Variants in ADPRM observed in about 807,000 individuals in gnomAD.
The protein encoded by ADPRM is ADP-ribose/CDP-alcohol diphosphatase, manganese dependent, also known as manganese-dependent ADP-ribose/CDP-alcohol diphosphatase.
ADPRM carries 17 observed loss-of-function variants against 27.2 expected under a neutral mutation model. The observed-to-expected ratio is 0.63, with a 90% CI of 0.43 to 0.94. The LOEUF is 0.94. Ranked by LOEUF, ADPRM falls within the 40% of genes least tolerant of loss-of-function variation. The probability of loss-of-function intolerance (pLI) is 0.00; values close to 1 mark genes in which losing one functional copy is unlikely to be tolerated. For missense variants in ADPRM, 337 were observed against 412.8 expected, an observed-to-expected ratio of 0.82 and a Z score of 1.59; for synonymous variants, 135 against 145.3, an observed-to-expected ratio of 0.93 and a Z score of 0.51.
intron 1 of ADPRM, chr17:10,699,046 GCTT>G (rs2074756680): frequency 6.6e-6 from 1 of 152,086 alleles, no homozygotes; most frequent in Non-Finnish European, 1.5e-5. Flanking sequence ...TTGCTAAAGT[GCTT>G]CTTTTAGTAG....
chr17:10,699,518 C>CTTTTTTTTTTTTTTT (rs781412834), intron 1 of ADPRM, among the ~76,000 whole-genome samples: 1 of 113,340 alleles, frequency 8.8e-6, no homozygotes, highest in Non-Finnish European at 1.8e-5. Flanking sequence ...TCTTTTCTTT[C>CTTTTTTTTTTTTTTT]TTTTTTTTTT....
Position 10,705,368 on chromosome 17 carries a change from T to G in ADPRM, c.442T>G (p.Tyr148Asp). ...HPETMPSEDY[Y>D]AYHFVPFPKF... ...TGAGACCATGCCTTCAGAAGATTAT[T>G]ATGCTTATCATTTTGTACCATTCCC... Residue 148 changes from tyrosine (Y) to aspartate (D), a missense_variant, in exon 2 of 4, where the codon TAT (tyrosine) becomes GAT (aspartate). Tyr to Asp is a radical substitution (Grantham distance 160). Coordinates refer to ENST00000379774, the MANE Select transcript of ADPRM (RefSeq NM_020233.5). This position sits in a 1 kb window ranked among gnomAD's most constrained non-coding sequence, Gnocchi z 5.4. 1.2e-6 allele frequency: 2 copies of G among 1,614,040 alleles called. No individual in the cohort carries two copies. The highest frequency in any genetic ancestry group is 8.5e-7 in the Non-Finnish European group (1 of 1,179,986).
Position 10,710,834 on chromosome 17 carries a change from G to A in ADPRM, c.719G>A (p.Ser240Asn). Residue 240 changes from serine to asparagine, a missense_variant and splice_region_variant, in exon 4 of 4, where the codon AGC (serine) becomes AAC (asparagine). Transcript: ENST00000379774. ...AACTCTTCTTTTCTTTAACTAACAG[G>A]CCATCTTCCCATTTACCCGGACGCC... The part of the protein sequence containing the change: ...DTNQEKVVIV[S>N]HLPIYPDASD... The A allele has an allele frequency of 6.2e-7, 1 of 1,612,446 alleles. No homozygotes were observed. The highest frequency in any genetic ancestry group is 8.5e-7 in the Non-Finnish European group (1 of 1,178,696).
At position 10,705,915 on chromosome 17, in the gene ADPRM, A is replaced by G. The variant is rs571789280; in HGVS notation, c.601+388A>G. 12 of 235,836 alleles carry G rather than the reference A, an allele frequency of 5.1e-5. No homozygotes were observed. The highest frequency in any genetic ancestry group is 2.5e-4 in the African/African-American group (11 of 44,118). 14.6% of individuals were successfully genotyped at this position (235,836 alleles called of 1,614,324 possible). On this transcript the variant is annotated intron_variant, in intron 2 of 3. Transcript: ENST00000379774. The surrounding 1 kb of genome is among the most constrained non-coding windows in gnomAD (Gnocchi z 5.4). ...AAGGAAATAGAGTATGATGTTATAG[A>G]GTGTTACGGAAAAGGATTAGGGTTG...
chr17:10,704,775 C>T, intron 1 of ADPRM, 135 bp from the exon 2 acceptor site: 1 of 689,048 alleles, frequency 1.5e-6, no homozygotes. Flanking sequence ...CTGTTGGGCT[C>T]TAAAGCCCAC....
chr17:10,697,611 G>T lies in ADPRM; in HGVS notation c.-74G>T. On this transcript the variant is annotated 5_prime_UTR_variant, in exon 1 of 4. Transcript: ENST00000379774. ...GTCGCTCTGTCCGTCCCGCTCGTTG[G>T]TGGCGCTGTTACATAGCCCGTAGTC... 1.4e-6 allele frequency: 2 copies of T among 1,429,018 alleles called. No homozygotes were observed. Among genetic ancestry groups the T allele is most frequent in the South Asian group, 1.2e-5 (1 of 83,604 alleles). 88.5% of individuals were successfully genotyped at this position (1,429,018 alleles called of 1,614,324 possible). A position where few individuals can be genotyped will look rare whatever the true frequency, so the allele number is the denominator to read the frequency against.
At position 10,705,257 on chromosome 17, in the gene ADPRM, C is replaced by G; in HGVS notation, c.331C>G (p.His111Asp). 2.5e-6 allele frequency: 4 copies of G among 1,613,966 alleles called. No homozygotes were observed. Among genetic ancestry groups the G allele is most frequent in the Non-Finnish European group, 3.4e-6 (4 of 1,179,978 alleles). The change falls in exon 2 of 4, where the codon CAT (histidine) becomes GAT (aspartate). Residue 111 changes from histidine (H) to aspartate (D), a missense_variant. Transcript: ENST00000379774. The surrounding 1 kb of genome is among the most constrained non-coding windows in gnomAD (Gnocchi z 5.4). ...KVPVHHTWGN[H>D]EFYNFSREYL... The stretch of plus-strand genomic sequence containing the variant: ...TCCAGTTCATCATACATGGGGAAAC[C>G]ATGAATTCTATAACTTCAGTAGAGA...
At chr17:10,704,065 T>C (rs999710472) in intron 1 of ADPRM, among the ~76,000 whole-genome samples, 4 of 152,102 alleles carry the variant, frequency 2.6e-5, no homozygotes, top group Non-Finnish European at 5.9e-5. Context: ...GATCCAGGGC[T>C]GGGTGTGGTG....
rs543002513 is a variant in ADPRM at position 10,708,321 on chromosome 17, C to T, written c.718+1767C>T. Among the ~76,000 whole-genome samples the T allele has an allele frequency of 1.1e-3, 163 of 150,454 alleles. 4 individuals are homozygous for T. In the South Asian group the frequency reaches 0.033, roughly 31 times the overall value. On this transcript the variant is annotated intron_variant, in intron 3 of 3. Transcript: ENST00000379774. The stretch of plus-strand genomic sequence containing the variant: ...GCAGGCGCCTGTAATCCCAGCTACT[C>T]GGGAGGCTGAGGCAGGAGAATCACC...
At position 10,702,036 on chromosome 17, in the gene ADPRM, C is replaced by T. The variant is rs966266309; in HGVS notation, c.-17-2874C>T. Among the ~76,000 whole-genome samples, 1 of 152,186 alleles carries T rather than the reference C, an allele frequency of 6.6e-6. No individual in the cohort carries two copies. The highest frequency in any genetic ancestry group is 1.5e-5 in the Non-Finnish European group (1 of 68,034). ...CCCAAATCAGAAATTTGAGCACCAA[C>T]ATGAAGCTCAAAGGAAATGTTAATT... On this transcript the variant is annotated intron_variant, in intron 1 of 3. Coordinates refer to ENST00000379774, the MANE Select transcript of ADPRM (RefSeq NM_020233.5). The surrounding 1 kb of genome is among the most constrained non-coding windows in gnomAD (Gnocchi z 4.2).
intron 3 of ADPRM, among the ~76,000 whole-genome samples, 162 bp from the exon 4 acceptor site, chr17:10,710,672 G>T (rs928365621): frequency 6.6e-6 from 1 of 152,132 alleles, no homozygotes; most frequent in Admixed American, 6.5e-5. Context: ...GGCTGTAGAT[G>T]GCCTAGTTTT....
intron 2 of ADPRM, 75 bp from the exon 3 acceptor site, chr17:10,706,363 T>TAC: frequency 5.2e-6 from 5 of 967,878 alleles, no homozygotes. Context: ...CAAGTGTCCC[T>TAC]ACATTAACTA....
At chr17:10,699,220 G>C (rs548482819) in intron 1 of ADPRM, 2 of 152,176 alleles carry the variant, frequency 1.3e-5, no homozygotes, top group Admixed American at 6.5e-5. Flanking sequence ...AGTGAGCTGT[G>C]ATCGGGCCAC....
In ADPRM at chr17:10,704,889, T is replaced by C. The variant is rs760657835; in HGVS notation, c.-17-21T>C. 9.4e-6 allele frequency: 14 copies of C among 1,488,018 alleles called. No individual in the cohort carries two copies. The East Asian group carries it at 2.3e-4, about 24-fold the overall frequency. 92.2% of individuals were successfully genotyped at this position (1,488,018 alleles called of 1,614,324 possible). The stretch of plus-strand genomic sequence containing the variant: ...AATTAAAACGTTTATAATTTAGTTA[T>C]CGTCTTTTTACTTTATTTAGAAACC... On this transcript the variant is annotated intron_variant, in intron 1 of 3. Transcript: ENST00000379774.
rs2151459757 is a variant in ADPRM, at chr17:10,697,615, C to G, written c.-70C>G. Reference sequence around the variant, plus strand: ...CTCTGTCCGTCCCGCTCGTTGGTGGCGCTGTTACATAGCCCGTAGTCAGAG... The same window carrying G: ...CTCTGTCCGTCCCGCTCGTTGGTGGGGCTGTTACATAGCCCGTAGTCAGAG... On this transcript the variant is annotated 5_prime_UTR_variant, in exon 1 of 4. Transcript: ENST00000379774. 2.2e-6 allele frequency: 3 copies of G among 1,384,218 alleles called. No individual in the cohort carries two copies. The East Asian group carries it at 7.3e-5, about 33-fold the overall frequency. 85.7% of individuals were successfully genotyped at this position (1,384,218 alleles called of 1,614,324 possible). A position where few individuals can be genotyped will look rare whatever the true frequency, so the allele number is the denominator to read the frequency against.
At chr17:10,700,165 T>C (rs570403847) in intron 1 of ADPRM, among the ~76,000 whole-genome samples, 1 of 152,324 alleles carries the variant, frequency 6.6e-6, no homozygotes, top group East Asian at 1.9e-4. Flanking sequence ...AAAGTCTCTC[T>C]TTATTAATCT....
chr17:10,705,815 C>G lies in ADPRM; in HGVS notation c.601+288C>G, dbSNP rs946312544. 4 of 418,044 alleles carry G rather than the reference C, an allele frequency of 9.6e-6. No individual in the cohort carries two copies. Among genetic ancestry groups the G allele is most frequent in the Non-Finnish European group, 1.8e-5 (4 of 228,154 alleles). The allele number at this position is 418,044 out of a possible 1,614,324, so 25.9% of individuals were successfully genotyped here. A position where few individuals can be genotyped will look rare whatever the true frequency, so the allele number is the denominator to read the frequency against. ...TTTTTGATGGATGGAATGGAGGGAA[C>G]AAACACAGTACGTGGGCAAGACAGA... On this transcript the variant is annotated intron_variant, in intron 2 of 3. Transcript: ENST00000379774. The surrounding 1 kb of genome is among the most constrained non-coding windows in gnomAD (Gnocchi z 5.4).
intron 3 of ADPRM, among the ~76,000 whole-genome samples, chr17:10,708,280 T>G (rs1364377897): frequency 1.3e-5 from 2 of 151,480 alleles, no homozygotes; most frequent in Non-Finnish European, 2.9e-5. Flanking sequence ...AATACAAAAA[T>G]TAGCCGGGCG....
intron 1 of ADPRM, chr17:10,699,297 A>G (rs2074759232): frequency 6.6e-6 from 1 of 152,044 alleles, no homozygotes; most frequent in Admixed American, 6.6e-5. Flanking sequence ...AATATAAAAT[A>G]TAGTTCCTGG....
Sources: gnomAD v4.1 joint callset for allele counts (sites outside exome capture counted in the v4.1 genomes callset) on GRCh38, gnomAD v4.1.1 for gene constraint, Gnocchi (gnomAD v3.1) non-coding constraint, MANE v1.5 for transcripts, NCBI Gene and HGNC (gene_info 2026-07-23, HGNC 2026-07-21) for gene names.